TTF2: variants seen among roughly 807,000 people sequenced by gnomAD.
The protein encoded by TTF2 is RNA polymerase II termination factor.
Under a neutral mutation model 142.4 loss-of-function variants are expected in TTF2, and 108 were observed. The observed-to-expected ratio is 0.76, with a 90% CI of 0.65 to 0.89. TTF2 has a LOEUF of 0.89. TTF2 is among the 40% of genes least tolerant of loss of function. TTF2 has a pLI of 0.00. For missense variants in TTF2, 1,327 were observed against 1,379.8 expected (o/e 0.96, Z 0.61); for synonymous variants, 483 against 506.2 (o/e 0.95, Z 0.61).
At position 117,092,918 on chromosome 1, in the gene TTF2, C is replaced by G; in HGVS notation, c.2976+17C>G. ...AGCACCAAGGTACTTTTTGTCTCCT[C>G]TGTAGTAGTCGAGAGACTTCGATTC... On this transcript the variant is annotated intron_variant, in intron 18 of 22. Coordinates refer to ENST00000369466, the MANE Select transcript of TTF2 (RefSeq NM_003594.4). The surrounding 1 kb of genome is among the most constrained non-coding windows in gnomAD (Gnocchi z 4.4). 6.2e-7 allele frequency: 1 copy of G among 1,613,770 alleles called. No individual in the cohort carries two copies. The highest frequency in any genetic ancestry group is 1.1e-5 in the South Asian group (1 of 91,000).
In TTF2 at chr1:117,096,102, T is replaced by C. The variant is rs1649115670; in HGVS notation, c.3036-47T>C. ...GGCATTAAAGCCCTGCAGATGAGTC[T>C]GTTTAATCTATGTTAGGGTATTTTT... On this transcript the variant is annotated intron_variant, in intron 19 of 22. Transcript: ENST00000369466. 6 of 1,603,752 alleles carry C rather than the reference T, an allele frequency of 3.7e-6. No homozygotes were observed. In the African/African-American group the frequency reaches 8.0e-5, roughly 21 times the overall value.
Position 117,104,659 on chromosome 1 carries a change from A to G in TTF2, c.*3135A>G, listed in dbSNP as rs1318242118. 6.6e-6 allele frequency: 1 copy of G among 152,244 alleles called. No individual in the cohort carries two copies. Among genetic ancestry groups the G allele is most frequent in the Non-Finnish European group, 1.5e-5 (1 of 68,048 alleles). The allele number at this position is 152,244 out of a possible 1,614,324, so 9.4% of individuals were successfully genotyped here. ...GCTACTGACTTGAGGTGGATGCAGA[A>G]AAAAATGGAACCACTGCCTTAATGG... is the stretch of plus-strand genomic sequence containing the variant. On this transcript the variant is annotated 3_prime_UTR_variant, in exon 23 of 23. Transcript: ENST00000369466.
Position 117,088,992 on chromosome 1 carries a change from T to C in TTF2, c.2342+10T>C, listed in dbSNP as rs1274866519. 3 of 1,593,406 alleles carry C rather than the reference T, an allele frequency of 1.9e-6. No homozygotes were observed. In the Admixed American group the frequency reaches 5.4e-5, roughly 28 times the overall value. On this transcript the variant is annotated intron_variant, in intron 13 of 22. Transcript: ENST00000369466. ...TGTATTCGCTGCTGAAGTGAGTAAC[T>C]TCTCGTGATTGTGTAAATATGAACC...
rs1570862255 is a variant in TTF2 at position 117,090,061 on chromosome 1, C to T, written c.2349C>T (p.Leu783=). The change falls in exon 14 of 23, where the codon CTC becomes CTT. Residue 783 remains leucine, a synonymous_variant. Coordinates refer to ENST00000369466, the MANE Select transcript of TTF2 (RefSeq NM_003594.4). The surrounding 1 kb of genome is among the most constrained non-coding windows in gnomAD (Gnocchi z 4.8). ...LLDMYSLLKF[L]RCSPFDEFNL... ...TTCTTCCTCAACAAAAAAGGTTTCTCCGTTGCTCTCCATTTGATGAGTTCA... is the reference window on the plus strand; with the variant it reads ...TTCTTCCTCAACAAAAAAGGTTTCTTCGTTGCTCTCCATTTGATGAGTTCA... 2 of 1,613,222 alleles carry T rather than the reference C, an allele frequency of 1.2e-6. No homozygotes were observed. Among genetic ancestry groups the T allele is most frequent in the African/African-American group, 1.3e-5 (1 of 75,004 alleles).
At position 117,101,740 on chromosome 1, in the gene TTF2, A is replaced by T; in HGVS notation, c.*216A>T. On this transcript the variant is annotated 3_prime_UTR_variant, in exon 23 of 23. Coordinates refer to ENST00000369466, the MANE Select transcript of TTF2 (RefSeq NM_003594.4). This position sits in a 1 kb window ranked among gnomAD's most constrained non-coding sequence, Gnocchi z 5.9. ...AACCAATTATGTTAATAATTTATTT[A>T]ATGAGTGGTATGGAAACCAATTGAT... 2.4e-6 allele frequency: 1 copy of T among 414,138 alleles called. No homozygotes were observed. Among genetic ancestry groups the T allele is most frequent in the Non-Finnish European group, 4.2e-6 (1 of 240,320 alleles). 25.7% of individuals were successfully genotyped at this position (414,138 alleles called of 1,614,324 possible). A position where few individuals can be genotyped will look rare whatever the true frequency, so the allele number is the denominator to read the frequency against.
At chr1:117,069,522 G>A (rs1656415269) in intron 3 of TTF2, among the ~76,000 whole-genome samples, 1 of 152,238 alleles carries the variant, frequency 6.6e-6, no homozygotes, top group Admixed American at 6.5e-5. Flanking sequence ...GTGTGAGCTT[G>A]GCATTGCTGT....
chr1:117,084,102 G>C lies in TTF2; in HGVS notation c.1988G>C (p.Arg663Pro). 1 of 1,614,104 alleles carries C rather than the reference G, an allele frequency of 6.2e-7. No homozygotes were observed. The highest frequency in any genetic ancestry group is 1.1e-5 in the South Asian group (1 of 91,078). Residue 663 changes from arginine to proline, a missense_variant, in exon 11 of 23, where the codon CGG (arginine) becomes CCG (proline). Coordinates refer to ENST00000369466, the MANE Select transcript of TTF2 (RefSeq NM_003594.4). ...IHHWKNEVEK[R>P]VNSNKLRVYL... The stretch of plus-strand genomic sequence containing the variant: ...CATTGGAAAAATGAGGTGGAGAAAC[G>C]GGTGAACAGCAACAAACTAAGAGTC...
Position 117,086,380 on chromosome 1 carries a change from G to A in TTF2, c.2055-37G>A. The A allele has an allele frequency of 6.7e-7, 1 of 1,483,824 alleles. No homozygotes were observed. Among genetic ancestry groups the A allele is most frequent in the Non-Finnish European group, 9.4e-7 (1 of 1,062,082 alleles). 91.9% of individuals were successfully genotyped at this position (1,483,824 alleles called of 1,614,324 possible). On this transcript the variant is annotated intron_variant, in intron 11 of 22. Transcript: ENST00000369466. The surrounding 1 kb of genome is among the most constrained non-coding windows in gnomAD (Gnocchi z 4.2). Reference sequence around the variant, plus strand: ...GCCTCTCTCATTGTCCCTCTATAGTGGGACCATTTATTGATTTCTTTGTTA... The same window carrying A: ...GCCTCTCTCATTGTCCCTCTATAGTAGGACCATTTATTGATTTCTTTGTTA...
Position 117,075,566 on chromosome 1 carries a change from C to G in TTF2, c.982C>G (p.Pro328Ala). ...CCACAGTGTGCCTGCTCCTGGAGGA[C>G]CAGCGGCTCAGGCTGCACCAGCAGC... ...ETHSVPAPGG[P>A]AAQAAPAAPG... The change falls in exon 5 of 23, where the codon CCA (proline) becomes GCA (alanine). Residue 328 changes from proline to alanine, a missense_variant. Physicochemically the swap from Pro to Ala is conservative, Grantham distance 27. Transcript: ENST00000369466. The surrounding 1 kb of genome is among the most constrained non-coding windows in gnomAD (Gnocchi z 4.5). 1 of 1,614,158 alleles carries G rather than the reference C, an allele frequency of 6.2e-7. No individual in the cohort carries two copies. Among genetic ancestry groups the G allele is most frequent in the African/African-American group, 1.3e-5 (1 of 75,046 alleles).
chr1:117,077,946 T>C lies in TTF2; in HGVS notation c.1604T>C (p.Val535Ala). ...ACAAACCAAGATCACGTTCATGCAGTGTGGAAAATCACAAGTGAAGCCATC... is the reference window on the plus strand; with the variant it reads ...ACAAACCAAGATCACGTTCATGCAGCGTGGAAAATCACAAGTGAAGCCATC... ...GHTNQDHVHAVWKITSEAIGQ... is the reference protein window; with the variant it reads ...GHTNQDHVHAAWKITSEAIGQ... The change falls in exon 8 of 23, where the codon GTG (valine) becomes GCG (alanine). Residue 535 changes from valine to alanine, a missense_variant. Physicochemically the swap from Val to Ala is moderately conservative, Grantham distance 64. Coordinates refer to ENST00000369466, the MANE Select transcript of TTF2 (RefSeq NM_003594.4). The C allele has an allele frequency of 1.9e-6, 3 of 1,614,178 alleles. No individual in the cohort carries two copies. Among genetic ancestry groups the C allele is most frequent in the Non-Finnish European group, 2.5e-6 (3 of 1,180,028 alleles).
At chr1:117,069,282 C>T (rs1253730842) in intron 3 of TTF2, among the ~76,000 whole-genome samples, 2 of 152,184 alleles carry the variant, frequency 1.3e-5, no homozygotes, top group Admixed American at 6.5e-5. Flanking sequence ...GGTGCAGTCT[C>T]CTCTGCACAT....
Position 117,101,688 on chromosome 1 carries a change from A to T in TTF2, c.*164A>T, listed in dbSNP as rs1032142107. 2 of 704,674 alleles carry T rather than the reference A, an allele frequency of 2.8e-6. No individual in the cohort carries two copies. The allele number at this position is 704,674 out of a possible 1,614,324, so 43.7% of individuals were successfully genotyped here. Reference sequence around the variant, plus strand: ...AGGCATAATCTTATCCCCAGAATTGAGGAGGGGTTGTGTTAACCAATTAGT... The same window carrying T: ...AGGCATAATCTTATCCCCAGAATTGTGGAGGGGTTGTGTTAACCAATTAGT... On this transcript the variant is annotated 3_prime_UTR_variant, in exon 23 of 23. Coordinates refer to ENST00000369466, the MANE Select transcript of TTF2 (RefSeq NM_003594.4). This position sits in a 1 kb window ranked among gnomAD's most constrained non-coding sequence, Gnocchi z 5.9.
rs948463710 is a variant in TTF2 at position 117,086,075 on chromosome 1, C to T, written c.2055-342C>T. Among the ~76,000 whole-genome samples, 1 of 152,178 alleles carries T rather than the reference C, an allele frequency of 6.6e-6. No individual in the cohort carries two copies. The highest frequency in any genetic ancestry group is 2.4e-5 in the African/African-American group (1 of 41,428). ...CTTTCTGTTATTTCCCAACTCTATC[C>T]TACTTTCTGTTCTGGCCAGATCATA... is the stretch of plus-strand genomic sequence containing the variant. On this transcript the variant is annotated intron_variant, in intron 11 of 22. Coordinates refer to ENST00000369466, the MANE Select transcript of TTF2 (RefSeq NM_003594.4). The surrounding 1 kb of genome is among the most constrained non-coding windows in gnomAD (Gnocchi z 4.2).
chr1:117,096,264 T>G lies in TTF2; in HGVS notation c.3151T>G (p.Leu1051Val). 2 of 1,614,168 alleles carry G rather than the reference T, an allele frequency of 1.2e-6. No individual in the cohort carries two copies. The highest frequency in any genetic ancestry group is 2.2e-5 in the South Asian group (2 of 91,084). ...TGTCAATCCCAAGCAGAGAATGGAC[T>G]TGGTAGAGGCATTTAACCACTCCAG... ...GSVNPKQRMD[L>V]VEAFNHSRGP... Residue 1051 changes from leucine to valine, a missense_variant, in exon 20 of 23, where the codon TTG (leucine) becomes GTG (valine). Transcript: ENST00000369466.
intron 13 of TTF2, among the ~76,000 whole-genome samples, chr1:117,089,256 T>A (rs1296525026): frequency 1.6e-5 from 1 of 61,036 alleles, no homozygotes; most frequent in Admixed American, 2.1e-4. Flanking sequence ...TATGCAAATA[T>A]ATGCTATATA....
rs1053847675 is a variant in TTF2 at position 117,063,754 on chromosome 1, T to C, written c.218+1281T>C. Among the ~76,000 whole-genome samples the C allele has an allele frequency of 6.6e-6, 1 of 152,258 alleles. No individual in the cohort carries two copies. The highest frequency in any genetic ancestry group is 2.4e-5 in the African/African-American group (1 of 41,474). ...TAAGGAATAATACAGAGTTATCCCC[T>C]GTAGACTTTATCCAGTTTCCCCCAA... On this transcript the variant is annotated intron_variant, in intron 3 of 22. Transcript: ENST00000369466. This position sits in a 1 kb window ranked among gnomAD's most constrained non-coding sequence, Gnocchi z 4.1.
chr1:117,090,396 C>T lies in TTF2; in HGVS notation c.2497-136C>T. The T allele has an allele frequency of 9.0e-7, 1 of 1,110,840 alleles. No homozygotes were observed. 68.8% of individuals were successfully genotyped at this position (1,110,840 alleles called of 1,614,324 possible). ...AATCCAGTTGTACTGTATGTTGGAG[C>T]AGTCCTGTGTCTAAGAAAGGGTGGA... On this transcript the variant is annotated intron_variant, in intron 14 of 22. Coordinates refer to ENST00000369466, the MANE Select transcript of TTF2 (RefSeq NM_003594.4). This position sits in a 1 kb window ranked among gnomAD's most constrained non-coding sequence, Gnocchi z 4.8.
chr1:117,091,895 T>A lies in TTF2; in HGVS notation c.2750T>A (p.Leu917Gln). 6.2e-7 allele frequency: 1 copy of A among 1,613,500 alleles called. No individual in the cohort carries two copies. The highest frequency in any genetic ancestry group is 8.5e-7 in the Non-Finnish European group (1 of 1,179,888). The change falls in exon 17 of 23, where the codon CTG becomes CAG. Residue 917 changes from leucine to glutamine, a missense_variant. Physicochemically the swap from Leu to Gln is moderately radical, Grantham distance 113. Transcript: ENST00000369466. ...DSPRSSTVHI[L>Q]SQLLRLRQCC... ...CCGAGATCCAGCACCGTCCACATAC[T>A]GTCCCAGTTGCTGAGACTCCGCCAG...
In TTF2 at chr1:117,106,861, G is replaced by A. The variant is rs1424664982; in HGVS notation, c.*5337G>A. The stretch of plus-strand genomic sequence containing the variant: ...GGGATACATTCTCTGGAGGAAAGTT[G>A]AGCAACTATTGCATTTGGGACATTA... On this transcript the variant is annotated 3_prime_UTR_variant, in exon 23 of 23. Transcript: ENST00000369466. 1.3e-5 allele frequency: 2 copies of A among 152,208 alleles called. No individual in the cohort carries two copies. Among genetic ancestry groups the A allele is most frequent in the African/African-American group, 4.8e-5 (2 of 41,456 alleles). The allele number at this position is 152,208 out of a possible 1,614,324, so 9.4% of individuals were successfully genotyped here.
Sources: gnomAD v4.1 joint callset for allele counts (sites outside exome capture counted in the v4.1 genomes callset) on GRCh38, gnomAD v4.1.1 for gene constraint, Gnocchi (gnomAD v3.1) non-coding constraint, MANE v1.5 for transcripts, NCBI Gene and HGNC (gene_info 2026-07-23, HGNC 2026-07-21) for gene names.